The following KCNMA1 variants were observed in gnomAD, a reference collection of about 807,000 sequenced individuals.
KCNMA1 encodes Calcium-activated potassium channel subunit alpha-1.
Under a neutral mutation model 140.0 loss-of-function variants are expected in KCNMA1, and 29 were observed. The observed-to-expected ratio is 0.21, with a 90% confidence interval of 0.15 to 0.28. The LOEUF (loss-of-function observed/expected upper bound fraction) is 0.28, where lower values mean the gene tolerates loss of function less well. Among genes scored for constraint, KCNMA1 ranks in the 10% least tolerant of loss-of-function variants. The pLI, the probability that KCNMA1 is intolerant of heterozygous loss-of-function variation, is 1.00. For synonymous variants in KCNMA1, 612 were observed against 611.9 expected (o/e 1.00, Z 0.00); for missense variants, 880 against 1,602.2 (o/e 0.55, Z 7.70).
chr10:77,553,147 T>A (rs546047572), intron 1 of KCNMA1, among the ~76,000 whole-genome samples: 2 of 152,240 alleles, frequency 1.3e-5, no homozygotes, highest in African/African-American at 4.8e-5. Context: ...ACATTAACAT[T>A]TTAGTGATGA....
At chr10:77,329,092 G>A (rs989962360) in intron 2 of KCNMA1, among the ~76,000 whole-genome samples, 28 of 152,020 alleles carry the variant, frequency 1.8e-4, no homozygotes, top group African/African-American at 6.3e-4. Context: ...CCCCTGCCTC[G>A]GCCTCCCAAA....
At chr10:77,434,271 A>T (rs2097209916) in intron 1 of KCNMA1, among the ~76,000 whole-genome samples, 1 of 152,222 alleles carries the variant, frequency 6.6e-6, no homozygotes, top group Non-Finnish European at 1.5e-5. Flanking sequence ...AAACTGCTTG[A>T]AAATCAGACT....
chr10:77,113,651 A>G (rs2097378580), intron 6 of KCNMA1, among the ~76,000 whole-genome samples: 1 of 152,006 alleles, frequency 6.6e-6, no homozygotes, highest in Non-Finnish European at 1.5e-5. Flanking sequence ...TTTAGTAGAG[A>G]TGGAGTTTCA....
chr10:77,485,408 T>C (rs1470079529), intron 1 of KCNMA1, among the ~76,000 whole-genome samples: 1 of 152,234 alleles, frequency 6.6e-6, no homozygotes, highest in Non-Finnish European at 1.5e-5. Context: ...TCATTAGAAT[T>C]TGGCAACCAC....
At chr10:77,424,506 G>C (rs1339921926) in intron 1 of KCNMA1, among the ~76,000 whole-genome samples, 2 of 150,228 alleles carry the variant, frequency 1.3e-5, no homozygotes, top group Non-Finnish European at 3.0e-5. Context: ...GAAGATCTGT[G>C]TTCATTCATT....
rs145796624 is a variant in KCNMA1, at chr10:77,618,175, C to T, written c.378+19090G>A. On this transcript the variant is annotated intron_variant, in intron 1 of 27. Transcript: ENST00000286628. ...TTTCAGGTCCACAAGTGAAAGGAGC[C>T]GGGGTCTTTAATGACTGTCTGAAGT... Among the ~76,000 whole-genome samples the T allele has an allele frequency of 1.5e-3, 223 of 152,236 alleles. 3 individuals carry two copies. The highest frequency in any genetic ancestry group is 5.0e-3 in the African/African-American group (209 of 41,532).
chr10:76,971,968 T>TATGTGG (rs2076205213), intron 19 of KCNMA1, among the ~76,000 whole-genome samples: 1 of 134,876 alleles, frequency 7.4e-6, no homozygotes, highest in African/African-American at 3.0e-5. Flanking sequence ...GCAGCGAGGG[T>TATGTGG]GTGTGGGTGT....
At chr10:76,920,652 A>G (rs1052990639) in intron 23 of KCNMA1, among the ~76,000 whole-genome samples, 3 of 152,200 alleles carry the variant, frequency 2.0e-5, no homozygotes, top group African/African-American at 4.8e-5. Flanking sequence ...AATAAGATTC[A>G]GAGCAGTGGC....
At chr10:77,635,221 G>T (rs994272291) in intron 1 of KCNMA1, 3 of 152,202 alleles carry the variant, frequency 2.0e-5, no homozygotes, top group Admixed American at 6.5e-5. Context: ...GATCCTTTGT[G>T]TGTGCGATGG....
chr10:77,295,812 A>AAAAAAC (rs1565799283), intron 2 of KCNMA1, among the ~76,000 whole-genome samples: 3 of 150,736 alleles, frequency 2.0e-5, no homozygotes, highest in African/African-American at 7.3e-5. Flanking sequence ...AAAAAAAAAA[A>AAAAAAC]AAAAACAGTT....
At chr10:76,988,831 T>C (rs187618097) in intron 19 of KCNMA1, among the ~76,000 whole-genome samples, 1 of 152,314 alleles carries the variant, frequency 6.6e-6, no homozygotes, top group African/African-American at 2.4e-5. Context: ...GGCTAAAATC[T>C]AAGACACACA....
chr10:77,501,670 C>T (rs990370123), intron 1 of KCNMA1, among the ~76,000 whole-genome samples: 1 of 152,170 alleles, frequency 6.6e-6, no homozygotes, highest in Non-Finnish European at 1.5e-5. Flanking sequence ...CTGGGCCCCT[C>T]GTCTCTGCAG....
Position 76,915,035 on chromosome 10 carries a change from C to T in KCNMA1, c.2917G>A (p.Gly973Arg). 6.2e-7 allele frequency: 1 copy of T among 1,612,644 alleles called. No individual in the cohort carries two copies. Among genetic ancestry groups the T allele is most frequent in the Non-Finnish European group, 8.5e-7 (1 of 1,178,850 alleles). Residue 973 changes from glycine (G) to arginine (R), a missense_variant, in exon 24 of 28, where the codon GGA (glycine) becomes AGA (arginine). Transcript: ENST00000286628. ...QANSQGFTPP[G>R]MDRSSPDNSP... ...TTATCTGGAGAGGATCTATCCATTC[C>T]TGGAGGTGTGAACCCTAGTGGGAAG...
rs535866074 is a variant in KCNMA1, at chr10:77,016,059, G to A, written c.2015+2954C>T. Among the ~76,000 whole-genome samples the A allele has an allele frequency of 2.1e-3, 321 of 152,004 alleles. 7 individuals carry two copies. Among genetic ancestry groups the A allele is most frequent in the Non-Finnish European group, 1.3e-3 (90 of 67,956 alleles). On this transcript the variant is annotated intron_variant, in intron 17 of 27. Coordinates refer to ENST00000286628, the MANE Select transcript of KCNMA1 (RefSeq NM_001161352.2). ...CCAACCTTTCTATAAAGTGCTTTAGGAGCCAGCCTCTGCCTCTCTCTAACC... is the reference window on the plus strand; with the variant it reads ...CCAACCTTTCTATAAAGTGCTTTAGAAGCCAGCCTCTGCCTCTCTCTAACC...
chr10:77,001,292 C>T, intron 19 of KCNMA1, 115 bp downstream of exon 19: 1 of 954,172 alleles, frequency 1.0e-6, no homozygotes, highest in Non-Finnish European at 1.6e-6. Context: ...CAGGAGTTCA[C>T]ACTGGGAAGA....
chr10:77,589,842 T>C (rs1172267966), intron 1 of KCNMA1, among the ~76,000 whole-genome samples: 1 of 152,024 alleles, frequency 6.6e-6, no homozygotes, highest in Non-Finnish European at 1.5e-5. Context: ...GAACAAAGCT[T>C]CCACAGTGTG....
chr10:77,253,122 A>G (rs1485210990), intron 2 of KCNMA1, among the ~76,000 whole-genome samples: 3 of 152,288 alleles, frequency 2.0e-5, no homozygotes, highest in African/African-American at 7.2e-5. Flanking sequence ...ATTAATTTTG[A>G]TCTGTGCTGC....
chr10:77,298,644 A>G (rs186543644), intron 2 of KCNMA1, among the ~76,000 whole-genome samples: 112 of 152,264 alleles, frequency 7.4e-4, no homozygotes, highest in Admixed American at 1.8e-3. Context: ...GATGATTCCA[A>G]TACCCAGCTG....
At chr10:77,537,714 T>G (rs768132309) in intron 1 of KCNMA1, among the ~76,000 whole-genome samples, 4 of 151,980 alleles carry the variant, frequency 2.6e-5, no homozygotes, top group Non-Finnish European at 4.4e-5. Context: ...GAGAACAATC[T>G]ATTATTGTGA....
Sources: allele counts gnomAD v4.1 joint callset (sites outside exome capture counted in the v4.1 genomes callset), GRCh38; gene constraint gnomAD v4.1.1; transcripts MANE v1.5; gene names NCBI Gene and HGNC (gene_info 2026-07-23, HGNC 2026-07-21).